Variants in FOXP4 observed in about 807,000 individuals in gnomAD.
The protein encoded by FOXP4 is forkhead box P4, also known as forkhead box protein P4.
FOXP4 carries 25 observed loss-of-function variants against 82.6 expected under a neutral mutation model. The observed-to-expected ratio is 0.30, with a 90% CI of 0.22 to 0.42. The LOEUF (loss-of-function observed/expected upper bound fraction) is 0.42. Ranked by LOEUF, FOXP4 falls within the 10% of genes least tolerant of loss-of-function variation. FOXP4 has a pLI of 1.00. For synonymous variants in FOXP4, 415 were observed against 388.2 expected, an observed-to-expected ratio of 1.07 and a Z score of -0.81; for missense variants, 785 against 900.9, an observed-to-expected ratio of 0.87 and a Z score of 1.65.
Position 41,578,097 on chromosome 6 carries a change from C to T in FOXP4, c.300+16C>T, listed in dbSNP as rs765880796. 17 of 1,607,350 alleles carry T rather than the reference C, an allele frequency of 1.1e-5. No homozygotes were observed. Among genetic ancestry groups the T allele is most frequent in the South Asian group, 5.5e-5 (5 of 90,794 alleles). Reference sequence around the variant, plus strand: ...TGCTGTGCAGGTGAGGAAGAGAGCACCCCGCTGGCTCTGGGTTGGGCTGGA... The same window carrying T: ...TGCTGTGCAGGTGAGGAAGAGAGCATCCCGCTGGCTCTGGGTTGGGCTGGA... On this transcript the variant is annotated intron_variant, in intron 3 of 16. Transcript: ENST00000307972.
At chr6:41,581,991 T>C (rs1415114867) in intron 3 of FOXP4, among the ~76,000 whole-genome samples, 1 of 152,226 alleles carries the variant, frequency 6.6e-6, no homozygotes, top group East Asian at 1.9e-4. Flanking sequence ...CACGTTCGTC[T>C]CTAGTTCAGC....
chr6:41,572,260 G>C (rs1262580460), intron 2 of FOXP4, among the ~76,000 whole-genome samples: 2 of 152,092 alleles, frequency 1.3e-5, no homozygotes, highest in Non-Finnish European at 2.9e-5. Context: ...GCCTCCTCCT[G>C]ATGTTGTGTC....
intron 1 of FOXP4, among the ~76,000 whole-genome samples, chr6:41,563,059 CCT>C (rs1764677892): frequency 6.6e-6 from 1 of 152,198 alleles, no homozygotes; most frequent in African/African-American, 2.4e-5. Context: ...CAGCCCAGCT[CCT>C]CTCAGAACTT....
chr6:41,572,340 G>C (rs1473629257), intron 2 of FOXP4, among the ~76,000 whole-genome samples: 1 of 152,078 alleles, frequency 6.6e-6, no homozygotes, highest in Non-Finnish European at 1.5e-5. Flanking sequence ...TGGGACACTC[G>C]CCACCAGCTC....
intron 4 of FOXP4, 70 bp from the exon 5 acceptor site, chr6:41,585,361 A>G (rs1766046224): frequency 6.8e-7 from 1 of 1,475,130 alleles, no homozygotes; most frequent in Non-Finnish European, 9.3e-7. Flanking sequence ...CCAGGAGCCC[A>G]GATGGGACAG....
chr6:41,548,317 G>C (rs988135592), intron 1 of FOXP4: 35 of 152,234 alleles, frequency 2.3e-4, no homozygotes, highest in Admixed American at 2.0e-3. Flanking sequence ...CGAGCCTGAA[G>C]TTGCCATTCG....
At chr6:41,559,911 T>A (rs1337741503) in intron 1 of FOXP4, among the ~76,000 whole-genome samples, 3 of 152,128 alleles carry the variant, frequency 2.0e-5, no homozygotes, top group African/African-American at 7.2e-5. Context: ...TTTAACAAAC[T>A]CTCCAAGGTA....
At chr6:41,559,476 A>G (rs1764448841) in intron 1 of FOXP4, among the ~76,000 whole-genome samples, 1 of 152,206 alleles carries the variant, frequency 6.6e-6, no homozygotes, top group Non-Finnish European at 1.5e-5. Flanking sequence ...GGTTTTTAGG[A>G]AACTTGTTTT....
chr6:41,566,613 G>A (rs1389394418), intron 2 of FOXP4, among the ~76,000 whole-genome samples: 2 of 152,236 alleles, frequency 1.3e-5, no homozygotes, highest in African/African-American at 4.8e-5. Context: ...GAGGCACTAG[G>A]ATGGGTCTAG....
At chr6:41,580,442 A>C (rs1765733610) in intron 3 of FOXP4, among the ~76,000 whole-genome samples, 1 of 152,130 alleles carries the variant, frequency 6.6e-6, no homozygotes, top group South Asian at 2.1e-4. Flanking sequence ...TATTGGTAAT[A>C]ATGCCAATAT....
Position 41,588,646 on chromosome 6 carries a change from A to G in FOXP4, c.980A>G (p.His327Arg), listed in dbSNP as rs768301533. 6.2e-7 allele frequency: 1 copy of G among 1,614,042 alleles called. No individual in the cohort carries two copies. Among genetic ancestry groups the G allele is most frequent in the African/African-American group, 1.3e-5 (1 of 75,040 alleles). ...CTCCTCCTCTCTTCCCCTTGAAGACACCTCAACACAGAGCACGCCCTGGAT... is the reference window on the plus strand; with the variant it reads ...CTCCTCCTCTCTTCCCCTTGAAGACGCCTCAACACAGAGCACGCCCTGGAT... ...LCEDLGQFIK[H>R]LNTEHALDDR... The change falls in exon 9 of 17, where the codon CAC becomes CGC. Residue 327 changes from histidine to arginine, a missense_variant and splice_region_variant. His to Arg is a conservative substitution (Grantham distance 29). Around this residue, in one of 3 missense-constraint regions of FOXP4, gnomAD observed 570 missense variants for 634.0 expected, o/e 0.90. Coordinates refer to ENST00000307972, the MANE Select transcript of FOXP4 (RefSeq NM_001012426.2).
rs1382018489 is a variant in FOXP4, at chr6:41,600,394, G to A, written c.*1458G>A. 6.6e-6 allele frequency: 1 copy of A among 152,652 alleles called. No homozygotes were observed. Among genetic ancestry groups the A allele is most frequent in the East Asian group, 1.9e-4 (1 of 5,200 alleles). 9.5% of individuals were successfully genotyped at this position (152,652 alleles called of 1,614,324 possible). On this transcript the variant is annotated 3_prime_UTR_variant, in exon 17 of 17. Transcript: ENST00000307972. ...GTCAGACTCTCCACAGACCCCCTAT[G>A]GGGGACCCCCAACTCAAGGCCAAGG... is the stretch of plus-strand genomic sequence containing the variant.
intron 14 of FOXP4, among the ~76,000 whole-genome samples, chr6:41,596,128 C>T (rs1220796964): frequency 6.6e-6 from 1 of 152,244 alleles, no homozygotes; most frequent in Non-Finnish European, 1.5e-5. Context: ...GAACTCCTGA[C>T]CTCAGGTGAT....
chr6:41,588,621 C>G lies in FOXP4; in HGVS notation c.978-23C>G, dbSNP rs1361741873. 1.5e-5 allele frequency: 24 copies of G among 1,613,022 alleles called. No homozygotes were observed. The East Asian group carries it at 2.0e-4, about 13-fold the overall frequency. ...GCAGGGAAACCGGAGCCAACTTTCT[C>G]TCCTCCTCTCTTCCCCTTGAAGACA... On this transcript the variant is annotated intron_variant, in intron 8 of 16. Coordinates refer to ENST00000307972, the MANE Select transcript of FOXP4 (RefSeq NM_001012426.2).
intron 1 of FOXP4, among the ~76,000 whole-genome samples, chr6:41,547,302 C>T (rs934116652): frequency 2.6e-5 from 4 of 152,152 alleles, no homozygotes; most frequent in Non-Finnish European, 4.4e-5. Context: ...GCGCGACCCC[C>T]TCCCCGCCCC....
rs1476071734 is a variant in FOXP4 at position 41,599,011 on chromosome 6, A to C, written c.*75A>C. ...TCCAGGCCCCATCTCCCCCAACTCC[A>C]CAGCCCCTCCCGAGCCTCAAGGCAA... is the stretch of plus-strand genomic sequence containing the variant. On this transcript the variant is annotated 3_prime_UTR_variant, in exon 17 of 17. Transcript: ENST00000307972. 3.4e-6 allele frequency: 5 copies of C among 1,455,316 alleles called. No homozygotes were observed. Among genetic ancestry groups the C allele is most frequent in the Non-Finnish European group, 4.5e-6 (5 of 1,101,986 alleles). 90.2% of individuals were successfully genotyped at this position (1,455,316 alleles called of 1,614,324 possible).
chr6:41,596,150 G>A lies in FOXP4; in HGVS notation c.1659-1026G>A, dbSNP rs552298205. ...TGACCTCAGGTGATCTGCCCGCATC[G>A]GCCTCCCAAAATGCTGGGATTACAG... On this transcript the variant is annotated intron_variant, in intron 14 of 16. Coordinates refer to ENST00000307972, the MANE Select transcript of FOXP4 (RefSeq NM_001012426.2). Among the ~76,000 whole-genome samples the A allele has an allele frequency of 5.3e-5, 8 of 152,244 alleles. No homozygotes were observed. The East Asian group carries it at 5.8e-4, about 11-fold the overall frequency.
At chr6:41,565,714 C>G in intron 1 of FOXP4, 31 bp from the exon 2 acceptor site, 1 of 1,548,398 alleles carries the variant, frequency 6.5e-7, no homozygotes. Context: ...TCAGCCTCAG[C>G]CTCTCCCCTG....
intron 5 of FOXP4, 31 bp downstream of exon 5, chr6:41,585,548 C>T (rs1306906662): frequency 6.3e-7 from 1 of 1,599,434 alleles, no homozygotes; most frequent in Non-Finnish European, 8.6e-7. Flanking sequence ...CCACCACCGC[C>T]CTCACCCCCT....
Sources: allele counts gnomAD v4.1 joint callset (sites outside exome capture counted in the v4.1 genomes callset), GRCh38; gene constraint gnomAD v4.1.1; regional missense constraint gnomAD v4.1.1; transcripts MANE v1.5; gene names NCBI Gene and HGNC (gene_info 2026-07-23, HGNC 2026-07-21).